CDH18: variants seen among roughly 807,000 people sequenced by gnomAD.
CDH18 encodes cadherin 18.
CDH18 carries 31 observed loss-of-function variants against 67.9 expected under a neutral mutation model. The ratio of observed to expected loss-of-function variants is 0.46; its 90% CI spans 0.34 to 0.62. The LOEUF (loss-of-function observed/expected upper bound fraction) is 0.62. Ranked by LOEUF, CDH18 falls within the 20% of genes least tolerant of loss-of-function variation. The probability of loss-of-function intolerance (pLI) is 0.01; values close to 1 mark genes in which losing one functional copy is unlikely to be tolerated. For missense variants in CDH18, 890 were observed against 975.5 expected (o/e 0.91, Z 1.17); for synonymous variants, 362 against 347.2 (o/e 1.04, Z -0.48).
chr5:19,756,476 G>T (rs1181462519), intron 3 of CDH18, among the ~76,000 whole-genome samples: 7 of 152,152 alleles, frequency 4.6e-5, no homozygotes, highest in Admixed American at 4.6e-4. Flanking sequence ...CTTTACTCCT[G>T]AGAGGGGCTG....
At chr5:19,847,187 T>C (rs1783078437) in intron 2 of CDH18, among the ~76,000 whole-genome samples, 1 of 152,116 alleles carries the variant, frequency 6.6e-6, no homozygotes, top group Non-Finnish European at 1.5e-5. Flanking sequence ...GTTTTGGAAG[T>C]TTTCTGCCAT....
chr5:20,003,492 T>TA (rs973043785), intron 2 of CDH18, among the ~76,000 whole-genome samples: 9 of 152,008 alleles, frequency 5.9e-5, no homozygotes, highest in South Asian at 2.1e-4. Context: ...CCCATCTTTT[T>TA]AAAAAAAATG....
At chr5:20,464,220 G>C (rs1751475796) in intron 1 of CDH18, among the ~76,000 whole-genome samples, 1 of 152,150 alleles carries the variant, frequency 6.6e-6, no homozygotes, top group Non-Finnish European at 1.5e-5. Flanking sequence ...AGAGACAAAT[G>C]TATGCAAGTG....
At chr5:19,546,382 T>C (rs2127101745) in intron 8 of CDH18, among the ~76,000 whole-genome samples, 1 of 152,274 alleles carries the variant, frequency 6.6e-6, no homozygotes, top group South Asian at 2.1e-4. Context: ...ATAAGAAGCA[T>C]TGTCTTTGCT....
At position 20,095,833 on chromosome 5, in the gene CDH18, C is replaced by T. The variant is rs558101571; in HGVS notation, c.-517-103819G>A. On this transcript the variant is annotated intron_variant, in intron 2 of 14. Transcript: ENST00000507958. The stretch of plus-strand genomic sequence containing the variant: ...ACTGACCAGAAAACAGAAATCTATA[C>T]AAAGAATAATGTAGAAAATCTAGAA... Among the ~76,000 whole-genome samples, 8 of 150,098 alleles carry T rather than the reference C, an allele frequency of 5.3e-5. No homozygotes were observed. In the East Asian group the frequency reaches 1.6e-3, roughly 29 times the overall value.
chr5:20,144,841 A>T (rs913982063), intron 2 of CDH18, among the ~76,000 whole-genome samples: 6 of 152,204 alleles, frequency 3.9e-5, no homozygotes, highest in Non-Finnish European at 8.8e-5. Flanking sequence ...TGGGATTCTT[A>T]TAAAAGGGGG....
At chr5:19,741,237 AC>A (rs1769116109) in intron 4 of CDH18, among the ~76,000 whole-genome samples, 1 of 70,618 alleles carries the variant, frequency 1.4e-5, no homozygotes, top group Non-Finnish European at 4.9e-5. Flanking sequence ...GTATATATGT[AC>A]ATATATGTAT....
intron 3 of CDH18, among the ~76,000 whole-genome samples, chr5:19,828,422 G>C (rs936203304): frequency 5.9e-5 from 9 of 151,748 alleles, no homozygotes; most frequent in Non-Finnish European, 2.9e-5. Context: ...AAAAACAACA[G>C]CAACAACAAC....
intron 2 of CDH18, among the ~76,000 whole-genome samples, chr5:20,208,023 C>T (rs542099046): frequency 2.3e-4 from 35 of 152,094 alleles, no homozygotes; most frequent in African/African-American, 8.2e-4. Context: ...GCATTTAAAG[C>T]CAACTTATTT....
At chr5:20,137,918 A>G (rs1365127101) in intron 2 of CDH18, among the ~76,000 whole-genome samples, 2 of 152,078 alleles carry the variant, frequency 1.3e-5, no homozygotes, top group East Asian at 3.9e-4. Context: ...CTTCTGAAAC[A>G]ACTCCAATCA....
intron 2 of CDH18, among the ~76,000 whole-genome samples, chr5:19,995,005 T>G (rs1735890210): frequency 1.3e-5 from 2 of 151,176 alleles, no homozygotes; most frequent in South Asian, 4.2e-4. Context: ...CGTGAAGGCT[T>G]GAGCACCAAT....
intron 4 of CDH18, among the ~76,000 whole-genome samples, chr5:19,736,804 A>T (rs1768395146): frequency 6.6e-6 from 1 of 152,206 alleles, no homozygotes; most frequent in South Asian, 2.1e-4. Context: ...TCTGTGTGGC[A>T]CAGCAGGAGA....
chr5:20,056,680 C>CCTTTTT (rs1742003139), intron 2 of CDH18, among the ~76,000 whole-genome samples: 1 of 70,022 alleles, frequency 1.4e-5, no homozygotes, highest in African/African-American at 5.4e-5. Flanking sequence ...TCTATATTCT[C>CCTTTTT]TTTTTTTTTT....
chr5:20,051,962 G>T (rs1305534119), intron 2 of CDH18, among the ~76,000 whole-genome samples: 1 of 151,950 alleles, frequency 6.6e-6, no homozygotes, highest in African/African-American at 2.4e-5. Context: ...CTTTCATCAT[G>T]GGCACAAATA....
intron 2 of CDH18, among the ~76,000 whole-genome samples, chr5:20,018,264 G>A (rs1482213805): frequency 6.6e-6 from 1 of 152,036 alleles, no homozygotes; most frequent in Non-Finnish European, 1.5e-5. Flanking sequence ...CTTTTTCTAT[G>A]GTCTGTATTA....
At chr5:19,861,169 C>A (rs1289314498) in intron 2 of CDH18, among the ~76,000 whole-genome samples, 3 of 152,166 alleles carry the variant, frequency 2.0e-5, no homozygotes, top group Non-Finnish European at 4.4e-5. Flanking sequence ...TCTGTACAAA[C>A]TTGCATATTC....
intron 2 of CDH18, among the ~76,000 whole-genome samples, chr5:20,175,783 T>C (rs1322564441): frequency 6.6e-6 from 1 of 152,126 alleles, no homozygotes; most frequent in African/African-American, 2.4e-5. Context: ...CTTTATATTC[T>C]AGCCTCACTG....
chr5:20,492,626 C>G (rs1367685789), intron 1 of CDH18, among the ~76,000 whole-genome samples: 1 of 152,034 alleles, frequency 6.6e-6, no homozygotes, highest in African/African-American at 2.4e-5. Flanking sequence ...CTTGGCAAAG[C>G]TCTGTGTAAA....
intron 2 of CDH18, among the ~76,000 whole-genome samples, chr5:20,063,685 C>G (rs902791901): frequency 1.3e-5 from 2 of 152,142 alleles, no homozygotes; most frequent in Admixed American, 1.3e-4. Context: ...AATCTGAGTA[C>G]CAGGCACTGT....
Sources: gnomAD v4.1 joint callset for allele counts (sites outside exome capture counted in the v4.1 genomes callset) on GRCh38, gnomAD v4.1.1 for gene constraint, MANE v1.5 for transcripts, NCBI Gene and HGNC (gene_info 2026-07-23, HGNC 2026-07-21) for gene names.